PACRG: variants seen among roughly 807,000 people sequenced by gnomAD.
PACRG encodes parkin coregulated.
In PACRG, 29 loss-of-function variants were observed where a neutral mutation model predicts 29.7. The ratio of observed to expected loss-of-function variants is 0.98; its 90% CI spans 0.73 to 1.33. PACRG has a LOEUF of 1.33. PACRG is among the 40% of genes most tolerant of loss of function. The pLI is 0.00. For missense variants in PACRG, 279 were observed against 316.2 expected (o/e 0.88, Z 0.89); for synonymous variants, 116 against 118.7 (o/e 0.98, Z 0.15).
At chr6:162,789,199 GTT>G (rs1230970484) in intron 1 of PACRG, among the ~76,000 whole-genome samples, 2 of 152,110 alleles carry the variant, frequency 1.3e-5, no homozygotes, top group Non-Finnish European at 2.9e-5. Flanking sequence ...TTTCTTCCCT[GTT>G]TTGATCATTG....
intron 4 of PACRG, among the ~76,000 whole-genome samples, chr6:163,279,457 C>A (rs1239874437): frequency 1.3e-5 from 2 of 152,138 alleles, no homozygotes; most frequent in Non-Finnish European, 2.9e-5. Context: ...TATCTGTTTA[C>A]CAAGTTTTCC....
intron 2 of PACRG, among the ~76,000 whole-genome samples, chr6:162,977,964 G>A (rs148452911): frequency 6.6e-6 from 1 of 150,602 alleles, no homozygotes; most frequent in Admixed American, 6.6e-5. Context: ...GCCAACATGG[G>A]GAAACCCCAT....
Position 163,236,749 on chromosome 6 carries a change from A to G in PACRG, c.614-78078A>G, listed in dbSNP as rs150272755. The stretch of plus-strand genomic sequence containing the variant: ...TGTATTAGTCCGTTTTCACACTGCT[A>G]TAAAGAACTACCTGAGACTGGGTAA... On this transcript the variant is annotated intron_variant, in intron 4 of 4. Transcript: ENST00000366888. Among the ~76,000 whole-genome samples, 4 of 152,264 alleles carry G rather than the reference A, an allele frequency of 2.6e-5. No individual in the cohort carries two copies. The East Asian group carries it at 7.7e-4, about 29-fold the overall frequency.
chr6:163,235,919 G>T (rs60320767), intron 4 of PACRG, among the ~76,000 whole-genome samples: 1 of 151,670 alleles, frequency 6.6e-6, no homozygotes, highest in Non-Finnish European at 1.5e-5. Context: ...CACTAAAAAA[G>T]AAAGGAAAAA....
At chr6:162,933,601 C>CTTTTTTTTTTTTTTTTTTTTTTTCTTTAT (rs71008119) in intron 2 of PACRG, among the ~76,000 whole-genome samples, 1 of 74,610 alleles carries the variant, frequency 1.3e-5, no homozygotes, top group Non-Finnish European at 2.4e-5. Context: ...CTTTCTGTAT[C>CTTTTTTTTTTTTTTTTTTTTTTTCTTTAT]TTTTTTTTTT....
intron 2 of PACRG, among the ~76,000 whole-genome samples, chr6:162,969,061 A>AAAAAAAAAAAAAAAT (rs1801305717): frequency 6.6e-6 from 1 of 151,258 alleles, no homozygotes; most frequent in African/African-American, 2.4e-5. Flanking sequence ...AAAAAAAAAA[A>AAAAAAAAAAAAAAAT]AAAAAGTAAC....
intron 2 of PACRG, among the ~76,000 whole-genome samples, chr6:162,961,354 A>C (rs1800600812): frequency 6.6e-6 from 1 of 152,210 alleles, no homozygotes; most frequent in African/African-American, 2.4e-5. Context: ...GCCTCACTCC[A>C]AGGGTGTCAC....
chr6:162,728,166 T>G lies in PACRG; in HGVS notation c.-70T>G. 1 of 1,551,798 alleles carries G rather than the reference T, an allele frequency of 6.4e-7. No individual in the cohort carries two copies. Among genetic ancestry groups the G allele is most frequent in the Non-Finnish European group, 8.7e-7 (1 of 1,143,256 alleles). On this transcript the variant is annotated 5_prime_UTR_variant, in exon 1 of 5. Transcript: ENST00000366888. ...TTTTGATATTTTTTTCCAGACCTCC[T>G]GCTCACATCCGTAAAGCCCACTGAT...
At chr6:163,165,966 T>C (rs1351873629) in intron 4 of PACRG, 1 of 384,084 alleles carries the variant, frequency 2.6e-6, no homozygotes, top group East Asian at 7.4e-5. Context: ...TTTTAAAACG[T>C]TATGATTCTA....
chr6:163,313,933 G>A (rs545870662), intron 4 of PACRG: 1 of 152,166 alleles, frequency 6.6e-6, no homozygotes, highest in Non-Finnish European at 1.5e-5. Context: ...GGAAACTAAG[G>A]GGCCCCATTT....
intron 1 of PACRG, among the ~76,000 whole-genome samples, chr6:162,762,649 A>C (rs1010560009): frequency 6.6e-6 from 1 of 152,212 alleles, no homozygotes; most frequent in Non-Finnish European, 1.5e-5. Flanking sequence ...ATGGATGTTG[A>C]CTTTGCGTTC....
intron 1 of PACRG, among the ~76,000 whole-genome samples, chr6:162,769,991 G>A (rs1452389581): frequency 2.6e-5 from 4 of 151,750 alleles, no homozygotes; most frequent in Non-Finnish European, 5.9e-5. Flanking sequence ...CAGTTTTAGT[G>A]GCCCTCATTA....
rs912071445 is a variant in PACRG at position 162,875,729 on chromosome 6, A to G, written c.291+61448A>G. ...AATTGTGTCCTTGACTTGGGGTCAC[A>G]TTACAACATTAAATGCATGGAGTTA... On this transcript the variant is annotated intron_variant, in intron 2 of 4. Transcript: ENST00000366888. 7.9e-5 allele frequency among the ~76,000 whole-genome samples: 12 copies of G among 152,210 alleles called. No homozygotes were observed. The East Asian group carries it at 2.3e-3, about 29-fold the overall frequency.
intron 4 of PACRG, among the ~76,000 whole-genome samples, chr6:163,312,406 T>C (rs9365548): frequency 0.33 from 50,707 of 151,940 alleles, 8,851 homozygotes; most frequent in East Asian, 0.67. Context: ...CCTTCTTCCT[T>C]AACATCTTTT....
intron 4 of PACRG, among the ~76,000 whole-genome samples, chr6:163,173,950 G>T (rs1314091793): frequency 6.6e-6 from 1 of 152,224 alleles, no homozygotes; most frequent in Non-Finnish European, 1.5e-5. Context: ...CGTATCAGCT[G>T]CACAGTTATG....
chr6:162,951,477 G>C (rs975109544), intron 2 of PACRG, among the ~76,000 whole-genome samples: 7 of 152,290 alleles, frequency 4.6e-5, no homozygotes, highest in South Asian at 4.2e-4. Context: ...TTGGCGGGGA[G>C]GGATTCTCAG....
chr6:163,194,987 C>T (rs112735037), intron 4 of PACRG, among the ~76,000 whole-genome samples: 24 of 152,142 alleles, frequency 1.6e-4, no homozygotes, highest in African/African-American at 5.8e-4. Context: ...TCGGTGTCCA[C>T]GGGCTTGCTG....
chr6:162,986,063 T>C (rs531332815), intron 2 of PACRG, among the ~76,000 whole-genome samples: 201 of 152,072 alleles, frequency 1.3e-3, no homozygotes, highest in Admixed American at 2.2e-3. Context: ...GAAATCATAG[T>C]TGACACAAGC....
At chr6:162,844,708 T>A in intron 2 of PACRG, among the ~76,000 whole-genome samples, 1 of 152,230 alleles carries the variant, frequency 6.6e-6, no homozygotes, top group East Asian at 1.9e-4. Context: ...AATGTAATAT[T>A]TTTATAAGCT....
Sources: allele counts gnomAD v4.1 joint callset (sites outside exome capture counted in the v4.1 genomes callset), GRCh38; gene constraint gnomAD v4.1.1; transcripts MANE v1.5; gene names NCBI Gene and HGNC (gene_info 2026-07-23, HGNC 2026-07-21).